The following KLHL2 variants were observed in gnomAD, a reference collection of about 807,000 sequenced individuals.
KLHL2 encodes kelch-like protein 2.
A neutral mutation model predicts 75.8 loss-of-function variants in KLHL2; 15 were observed. The observed-to-expected ratio is 0.20, with a 90% confidence interval of 0.13 to 0.30. The LOEUF (loss-of-function observed/expected upper bound fraction) is 0.30. KLHL2 is among the 10% of genes least tolerant of loss of function. The pLI is 1.00. For synonymous variants in KLHL2, 214 were observed against 251.9 expected (o/e 0.85, Z 1.42); for missense variants, 381 against 741.0 (o/e 0.51, Z 5.64).
At position 165,267,953 on chromosome 4, in the gene KLHL2, G is replaced by A. The variant is rs578150241; in HGVS notation, c.544+4594G>A. ...ATCCATCTGGTCCTGGACTTTTTTT[G>A]GTTAATAGGCTATTAATGATTGCCT... On this transcript the variant is annotated intron_variant, in intron 5 of 14. Transcript: ENST00000226725. Among the ~76,000 whole-genome samples, 5 of 151,994 alleles carry A rather than the reference G, an allele frequency of 3.3e-5. No individual in the cohort carries two copies. The East Asian group carries it at 9.6e-4, about 29-fold the overall frequency.
chr4:165,285,114 T>C (rs537584494), intron 5 of KLHL2, among the ~76,000 whole-genome samples: 12 of 152,326 alleles, frequency 7.9e-5, no homozygotes, highest in African/African-American at 2.6e-4. Context: ...AAGGATGATA[T>C]GACTGTCTTG....
chr4:165,265,118 G>A (rs1264561029), intron 5 of KLHL2, among the ~76,000 whole-genome samples: 1 of 152,000 alleles, frequency 6.6e-6, no homozygotes, highest in Non-Finnish European at 1.5e-5. Flanking sequence ...GCATTTTCCT[G>A]ATGATTAGTG....
At chr4:165,299,767 C>A in intron 8 of KLHL2, 111 bp downstream of exon 8, 1 of 1,012,442 alleles carries the variant, frequency 9.9e-7, no homozygotes, top group Non-Finnish European at 1.4e-6. Flanking sequence ...AGTTTTCCTT[C>A]AAGAGAAAAT....
At chr4:165,289,504 G>A (rs963327358) in intron 5 of KLHL2, among the ~76,000 whole-genome samples, 1 of 136,402 alleles carries the variant, frequency 7.3e-6, no homozygotes, top group African/African-American at 2.9e-5. Flanking sequence ...CTAATTTTTG[G>A]TTTGGTTTTT....
intron 8 of KLHL2, among the ~76,000 whole-genome samples, chr4:165,300,100 C>T (rs1745233308): frequency 6.6e-6 from 1 of 151,986 alleles, no homozygotes; most frequent in Non-Finnish European, 1.5e-5. Flanking sequence ...ACCAGCCTGG[C>T]CATCTACGTG....
intron 1 of KLHL2, among the ~76,000 whole-genome samples, chr4:165,211,346 T>A (rs1227607477): frequency 6.6e-6 from 1 of 152,224 alleles, no homozygotes; most frequent in Non-Finnish European, 1.5e-5. Flanking sequence ...TAAAGGATTG[T>A]CTTTAAATTT....
chr4:165,219,795 G>A (rs915918451), intron 1 of KLHL2, 139 bp from the exon 2 acceptor site: 738 of 1,359,736 alleles, frequency 5.4e-4, no homozygotes, highest in Non-Finnish European at 6.8e-4. Context: ...ACCTTACATT[G>A]GGATATTCTG....
chr4:165,318,697 A>G (rs1048232526), intron 14 of KLHL2, among the ~76,000 whole-genome samples: 1 of 152,078 alleles, frequency 6.6e-6, no homozygotes, highest in Non-Finnish European at 1.5e-5. Context: ...GTATAAACTG[A>G]CAGAATACAT....
intron 5 of KLHL2, among the ~76,000 whole-genome samples, chr4:165,268,403 T>C (rs1189141454): frequency 6.6e-6 from 1 of 152,198 alleles, no homozygotes; most frequent in Non-Finnish European, 1.5e-5. Flanking sequence ...AATTGTGATG[T>C]TAGGGTGTTG....
At chr4:165,247,555 G>A (rs746622497) in intron 4 of KLHL2, among the ~76,000 whole-genome samples, 2 of 152,158 alleles carry the variant, frequency 1.3e-5, no homozygotes, top group Non-Finnish European at 2.9e-5. Flanking sequence ...GCAAAAGTGA[G>A]AGGGGTTGGC....
In KLHL2 at chr4:165,287,165, C is replaced by T. The variant is rs551936640; in HGVS notation, c.545-7194C>T. 6.6e-5 allele frequency among the ~76,000 whole-genome samples: 10 copies of T among 152,186 alleles called. No homozygotes were observed. The South Asian group carries it at 1.0e-3, about 16-fold the overall frequency. On this transcript the variant is annotated intron_variant, in intron 5 of 14. Coordinates refer to ENST00000226725, the MANE Select transcript of KLHL2 (RefSeq NM_007246.4). ...TAAACAACTCGTCTTTTCTACTTTCCGCTGTCCCTGGCAAGTATTATTATA... is the reference window on the plus strand; with the variant it reads ...TAAACAACTCGTCTTTTCTACTTTCTGCTGTCCCTGGCAAGTATTATTATA...
chr4:165,271,797 C>T (rs1311804827), intron 5 of KLHL2, among the ~76,000 whole-genome samples: 1 of 152,176 alleles, frequency 6.6e-6, no homozygotes, highest in African/African-American at 2.4e-5. Flanking sequence ...AGGAATAGTT[C>T]CTGTGGAAGC....
intron 5 of KLHL2, among the ~76,000 whole-genome samples, chr4:165,275,094 A>G (rs939159896): frequency 2.3e-5 from 3 of 133,262 alleles, no homozygotes; most frequent in Non-Finnish European, 3.3e-5. Context: ...TACACTCCTG[A>G]AAGATTTATT....
At chr4:165,230,447 C>T (rs1738792937) in intron 3 of KLHL2, among the ~76,000 whole-genome samples, 1 of 152,140 alleles carries the variant, frequency 6.6e-6, no homozygotes, top group African/African-American at 2.4e-5. Flanking sequence ...GCACTTGACG[C>T]ATAGAAAATG....
chr4:165,279,144 C>T lies in KLHL2; in HGVS notation c.545-15215C>T, dbSNP rs557974466. ...CCAAAAAGAGCTCGTTTTTCTTCAA[C>T]GGCCTTTTGAACTTTTCTCACATTG... On this transcript the variant is annotated intron_variant, in intron 5 of 14. Coordinates refer to ENST00000226725, the MANE Select transcript of KLHL2 (RefSeq NM_007246.4). 36 of 1,602,642 alleles carry T rather than the reference C, an allele frequency of 2.2e-5. 1 individual carries two copies. The highest frequency in any genetic ancestry group is 1.3e-4 in the East Asian group (6 of 44,840).
chr4:165,208,068 CG>C (rs1341670050), intron 1 of KLHL2, among the ~76,000 whole-genome samples, 166 bp downstream of exon 1: 1 of 151,772 alleles, frequency 6.6e-6, no homozygotes, highest in Non-Finnish European at 1.5e-5. Context: ...CGGACGCGGA[CG>C]GAAACTCAGC....
intron 5 of KLHL2, among the ~76,000 whole-genome samples, chr4:165,280,689 G>T (rs534364085): frequency 4.6e-5 from 7 of 152,310 alleles, no homozygotes; most frequent in Non-Finnish European, 8.8e-5. Flanking sequence ...CTTCTTAAAA[G>T]AGTTAATTAT....
At chr4:165,320,373 C>T (rs538834514) in intron 14 of KLHL2, among the ~76,000 whole-genome samples, 7 of 152,260 alleles carry the variant, frequency 4.6e-5, no homozygotes, top group South Asian at 2.1e-4. Context: ...AATCTTTTCC[C>T]GGACTGGTTC....
At chr4:165,224,606 G>A (rs1252176165) in intron 2 of KLHL2, among the ~76,000 whole-genome samples, 3 of 152,178 alleles carry the variant, frequency 2.0e-5, no homozygotes. Context: ...ATTATCTGAT[G>A]TGCATCCATA....
Sources: gnomAD v4.1 joint callset for allele counts (sites outside exome capture counted in the v4.1 genomes callset) on GRCh38, gnomAD v4.1.1 for gene constraint, MANE v1.5 for transcripts, NCBI Gene and HGNC (gene_info 2026-07-23, HGNC 2026-07-21) for gene names.